The following PRB4 variants were observed in gnomAD, a reference collection of about 807,000 sequenced individuals.
The protein encoded by PRB4 is basic salivary proline-rich protein 4.
A neutral mutation model predicts 9.1 loss-of-function variants in PRB4; 14 were observed. That is an observed-to-expected ratio of 1.54 (90% confidence interval 1.02 to 2.41). The LOEUF (loss-of-function observed/expected upper bound fraction) is 2.41, where lower values mean the gene tolerates loss of function less well. Among genes scored for constraint, PRB4 ranks in the 30% most tolerant of loss-of-function variants. The probability of loss-of-function intolerance (pLI) is 0.00; values close to 1 mark genes in which losing one functional copy is unlikely to be tolerated. For synonymous variants in PRB4, 102 were observed against 108.5 expected (o/e 0.94, Z 0.37); for missense variants, 381 against 299.3 (o/e 1.27, Z -2.02).
intron 1 of PRB4, among the ~76,000 whole-genome samples, chr12:11,310,058 G>A (rs1405756768): frequency 6.6e-6 from 1 of 152,138 alleles, no homozygotes; most frequent in African/African-American, 2.4e-5. Context: ...AATCTGCCTT[G>A]CACTCTCCAC....
chr12:11,308,193 C>T (rs1239376252), intron 3 of PRB4, 28 bp downstream of exon 3: 3 of 1,586,212 alleles, frequency 1.9e-6, no homozygotes, highest in South Asian at 2.3e-5. Context: ...CAATTAGAGT[C>T]CTGATGAATA....
chr12:11,309,293 A>C, intron 2 of PRB4, 77 bp downstream of exon 2: 2 of 1,608,180 alleles, frequency 1.2e-6, no homozygotes, highest in Non-Finnish European at 1.7e-6. Context: ...AGTGTTGATA[A>C]GAAGACACTG....
chr12:11,309,009 G>A (rs1352447392), intron 2 of PRB4, 127 bp from the exon 3 acceptor site: 6 of 1,388,300 alleles, frequency 4.3e-6, no homozygotes, highest in Non-Finnish European at 5.1e-6. Context: ...TTTCAGTGAA[G>A]CCCTAGAACT....
chr12:11,310,290 C>A, intron 1 of PRB4, 45 bp downstream of exon 1: 1 of 1,609,842 alleles, frequency 6.2e-7, no homozygotes, highest in African/African-American at 1.3e-5. Context: ...CTGTCACCTC[C>A]TAAGTCCCAA....
At chr12:11,307,771 A>G (rs558231044) in intron 3 of PRB4, among the ~76,000 whole-genome samples, 2 of 152,284 alleles carry the variant, frequency 1.3e-5, no homozygotes, top group East Asian at 1.9e-4. Flanking sequence ...TAGCTTAATC[A>G]TGTACGTATT....
chr12:11,307,774 T>C (rs1862946446), intron 3 of PRB4, among the ~76,000 whole-genome samples: 2 of 152,208 alleles, frequency 1.3e-5, no homozygotes, highest in Non-Finnish European at 2.9e-5. Flanking sequence ...CTTAATCATG[T>C]ACGTATTGAA....
chr12:11,310,320 C>T lies in PRB4; in HGVS notation c.64+15G>A. 1 of 1,614,190 alleles carries T rather than the reference C, an allele frequency of 6.2e-7. No individual in the cohort carries two copies. The highest frequency in any genetic ancestry group is 1.1e-5 in the South Asian group (1 of 91,084). Reference sequence around the variant, plus strand: ...TCCCAAGCAGTCACCGCATCTTTTCCCCCTTCTGTTTTACCTTCACTTGAA... The same window carrying T: ...TCCCAAGCAGTCACCGCATCTTTTCTCCCTTCTGTTTTACCTTCACTTGAA... On this transcript the variant is annotated intron_variant, in intron 1 of 3. Transcript: ENST00000279575.
rs1862933022 is a variant in PRB4 at position 11,307,201 on chromosome 12, T to A, written c.*19-2A>T. 6.5e-6 allele frequency: 1 copy of A among 152,860 alleles called. No individual in the cohort carries two copies. The allele number at this position is 152,860 out of a possible 1,614,324, so 9.5% of individuals were successfully genotyped here. On this transcript the variant is annotated splice_acceptor_variant, in intron 3 of 3. Coordinates refer to ENST00000279575, the MANE Select transcript of PRB4 (RefSeq NM_002723.6). LOFTEE classifies it low-confidence loss of function (3UTR_SPLICE). The stretch of plus-strand genomic sequence containing the variant: ...CACTGATATCTTCTTATTCACTTCC[T>A]GAAATAAACAAACAAGCAAGTTCAT...
rs764384145 is a variant in PRB4, at chr12:11,310,420, A to C, written c.-22T>G. ...GCATCTCGCTGGAGGCTCTGGAGTC[A>C]CTCCCAACTCTGTGCTGGGAGGAAC... On this transcript the variant is annotated 5_prime_UTR_variant, in exon 1 of 4. Transcript: ENST00000279575. The C allele has an allele frequency of 1.9e-6, 3 of 1,614,086 alleles. No individual in the cohort carries two copies. Among genetic ancestry groups the C allele is most frequent in the Non-Finnish European group, 2.5e-6 (3 of 1,179,984 alleles).
intron 1 of PRB4, among the ~76,000 whole-genome samples, chr12:11,309,709 G>T (rs563879587): frequency 1.3e-5 from 2 of 152,258 alleles, no homozygotes; most frequent in East Asian, 1.9e-4. Flanking sequence ...ATATTTTGGT[G>T]TTCTTATGCC....
At chr12:11,310,241 A>G (rs1863020718) in intron 1 of PRB4, 94 bp downstream of exon 1, 3 of 1,500,406 alleles carry the variant, frequency 2.0e-6, no homozygotes, top group Non-Finnish European at 1.9e-6. Flanking sequence ...CTGCAGCCCC[A>G]TCTGTGTTTT....
In PRB4 at chr12:11,308,435, G is replaced by C. The variant is rs779942488; in HGVS notation, c.548C>G (p.Pro183Arg). The C allele has an allele frequency of 8.7e-6, 14 of 1,613,778 alleles. No homozygotes were observed. In the African/African-American group the frequency reaches 1.9e-4, roughly 22 times the overall value. ...GCCTTCTTGTTGGGGTGGTCCTTGT[G>C]GCTTTCCTGGAGGAGATCGGGCACT... is the stretch of plus-strand genomic sequence containing the variant. ...SRSARSPPGKPQGPPQQEGNK... is the reference protein window; with the variant it reads ...SRSARSPPGKRQGPPQQEGNK... The change falls in exon 3 of 4, where the codon CCA (proline) becomes CGA (arginine). Residue 183 changes from proline (P) to arginine (R), a missense_variant. Pro to Arg is a moderately radical substitution (Grantham distance 103, BLOSUM62 -2). Around this residue, in one of 3 missense-constraint regions of PRB4, gnomAD observed 204 missense variants for 134.4 expected, o/e 1.52. Coordinates refer to ENST00000279575, the MANE Select transcript of PRB4 (RefSeq NM_002723.6).
chr12:11,309,129 T>G lies in PRB4; in HGVS notation c.100+241A>C, dbSNP rs2277408. ...TCTGTCATCTCCCAGGAGGCACTCC[T>G]GGCCAGGGGGATGTCAACCCACTCC... On this transcript the variant is annotated intron_variant, in intron 2 of 3. Transcript: ENST00000279575. Among the ~76,000 whole-genome samples, 660 of 152,244 alleles carry G rather than the reference T, an allele frequency of 4.3e-3. 18 individuals carry two copies. The highest frequency in any genetic ancestry group is 0.032 in the Admixed American group (487 of 15,286).
Position 11,308,482 on chromosome 12 carries a change from T to TG in PRB4, c.500dup (p.Gln168ThrfsTer83). 1 of 1,613,176 alleles carries TG rather than the reference T, an allele frequency of 6.2e-7. No homozygotes were observed. The highest frequency in any genetic ancestry group is 8.5e-7 in the Non-Finnish European group (1 of 1,179,750). On this transcript the variant is annotated frameshift_variant, in exon 3 of 4. Coordinates refer to ENST00000279575, the MANE Select transcript of PRB4 (RefSeq NM_002723.6). LOFTEE classifies it low-confidence loss of function (END_TRUNC). ...CACTTCGGGACTTGTTTCCTTCCTG[T>TG]GGGGGTGGTCCTTCTGGCTTTCCTG...
intron 1 of PRB4, among the ~76,000 whole-genome samples, 174 bp from the exon 2 acceptor site, chr12:11,309,579 G>A (rs1863005983): frequency 6.6e-6 from 1 of 152,180 alleles, no homozygotes; most frequent in South Asian, 2.1e-4. Flanking sequence ...AGGAGGCAGG[G>A]TTGTTACCAC....
chr12:11,309,756 G>C (rs1863009638), intron 1 of PRB4, among the ~76,000 whole-genome samples: 1 of 152,134 alleles, frequency 6.6e-6, no homozygotes, highest in Admixed American at 6.5e-5. Flanking sequence ...ACATACACAT[G>C]TTTTCTCAAT....
chr12:11,308,948 C>T, intron 2 of PRB4, 66 bp from the exon 3 acceptor site: 1 of 1,590,320 alleles, frequency 6.3e-7, no homozygotes, highest in South Asian at 1.1e-5. Context: ...AGTAATGGAG[C>T]TAAATGGGGA....
chr12:11,308,360 G>T lies in PRB4; in HGVS notation c.623C>A (p.Pro208Gln), dbSNP rs766647545. Residue 208 changes from proline (P) to glutamine (Q), a missense_variant, in exon 3 of 4, where the codon CCA (proline) becomes CAA (glutamine). Pro to Gln is a moderately conservative substitution (Grantham distance 76). Around this residue, in one of 3 missense-constraint regions of PRB4, gnomAD observed 204 missense variants for 134.4 expected, o/e 1.52. Transcript: ENST00000279575. ...PPPGKPQGPP[P>Q]AGGNPQQPQA... is the part of the protein sequence containing the mutation. ...AGGCTGCTGGGGATTGCCTCCTGCTGGGGGTGGGCCTTGTGGCTTTCCAGG... is the reference window on the plus strand; with the variant it reads ...AGGCTGCTGGGGATTGCCTCCTGCTTGGGGTGGGCCTTGTGGCTTTCCAGG... The T allele has an allele frequency of 1.2e-6, 2 of 1,601,180 alleles. No individual in the cohort carries two copies. The highest frequency in any genetic ancestry group is 2.2e-5 in the East Asian group (1 of 44,560).
chr12:11,310,024 G>T (rs1274336757), intron 1 of PRB4, among the ~76,000 whole-genome samples: 4 of 152,252 alleles, frequency 2.6e-5, no homozygotes, highest in Non-Finnish European at 5.9e-5. Context: ...ATCAGTATAG[G>T]ATCTTCACAG....
Sources: gnomAD v4.1 joint callset for allele counts (sites outside exome capture counted in the v4.1 genomes callset) on GRCh38, gnomAD v4.1.1 for gene constraint, gnomAD v4.1.1 regional missense constraint, MANE v1.5 for transcripts, NCBI Gene and HGNC (gene_info 2026-07-23, HGNC 2026-07-21) for gene names.